Variants in NUDCD3 observed in about 807,000 individuals in gnomAD.
The protein encoded by NUDCD3 is nudC domain-containing protein 3.
Under a neutral mutation model 39.7 loss-of-function variants are expected in NUDCD3, and 13 were observed. That is an observed-to-expected ratio of 0.33 (90% CI 0.21 to 0.52). The LOEUF is 0.52. Ranked by LOEUF, NUDCD3 falls within the 20% of genes least tolerant of loss-of-function variation. The pLI, the probability that NUDCD3 is intolerant of heterozygous loss-of-function variation, is 0.96. For synonymous variants in NUDCD3, 175 were observed against 172.4 expected, an observed-to-expected ratio of 1.02 and a Z score of -0.12; for missense variants, 453 against 458.1, an observed-to-expected ratio of 0.99 and a Z score of 0.10.
chr7:44,412,951 A>AAAAAAAAAAG lies in NUDCD3; in HGVS notation c.643-8369_643-8368insCTTTTTTTTT, dbSNP rs1554489215. Among the ~76,000 whole-genome samples the AAAAAAAAAAG allele has an allele frequency of 2.6e-4, 38 of 144,378 alleles. 1 individual carries two copies. Among genetic ancestry groups the AAAAAAAAAAG allele is most frequent in the Non-Finnish European group, 3.8e-4 (25 of 65,360 alleles). 94.7% of individuals were successfully genotyped at this position (144,378 alleles called of 152,430 possible). A position where few individuals can be genotyped will look rare whatever the true frequency, so the allele number is the denominator to read the frequency against. On this transcript the variant is annotated intron_variant, in intron 3 of 5. Coordinates refer to ENST00000355451, the MANE Select transcript of NUDCD3 (RefSeq NM_015332.4). ...CAAAAAAAAAAAAAAAAGAAAAAAA[A>AAAAAAAAAAG]AAAGAAAGAAACCATTGACCATTGG...
At chr7:44,434,021 T>A (rs540587004) in intron 2 of NUDCD3, among the ~76,000 whole-genome samples, 9 of 152,174 alleles carry the variant, frequency 5.9e-5, no homozygotes, top group Non-Finnish European at 1.3e-4. Flanking sequence ...TTCTTCTGGG[T>A]TTCTTCATTT....
chr7:44,453,684 G>T (rs1799837371), intron 2 of NUDCD3, among the ~76,000 whole-genome samples: 1 of 152,136 alleles, frequency 6.6e-6, no homozygotes, highest in Non-Finnish European at 1.5e-5. Context: ...AGGAAAGGTA[G>T]GCACACAGGA....
intron 2 of NUDCD3, among the ~76,000 whole-genome samples, chr7:44,470,463 T>C (rs1372863631): frequency 6.6e-6 from 1 of 152,222 alleles, no homozygotes; most frequent in African/African-American, 2.4e-5. Context: ...AGGCTCGGTT[T>C]AAGGTCCCCC....
At chr7:44,484,370 C>G (rs187411926) in intron 2 of NUDCD3, 31 of 152,466 alleles carry the variant, frequency 2.0e-4, no homozygotes, top group African/African-American at 7.2e-4. Flanking sequence ...ATGTCATATT[C>G]AAGCTCTACT....
At chr7:44,408,831 T>C (rs1798874632) in intron 3 of NUDCD3, among the ~76,000 whole-genome samples, 1 of 152,148 alleles carries the variant, frequency 6.6e-6, no homozygotes, top group Admixed American at 6.5e-5. Flanking sequence ...GTAGCAGCCA[T>C]CGCTGGAGAA....
chr7:44,418,273 C>G (rs62459134), intron 3 of NUDCD3, among the ~76,000 whole-genome samples: 12,423 of 152,146 alleles, frequency 0.082, 696 homozygotes, highest in East Asian at 0.31. Context: ...AAGGTGCAAG[C>G]CAAGTTGCCC....
chr7:44,405,537 A>G (rs529198652), intron 3 of NUDCD3, among the ~76,000 whole-genome samples: 20 of 152,358 alleles, frequency 1.3e-4, no homozygotes, highest in Non-Finnish European at 2.6e-4. Context: ...AGACACTGGG[A>G]TCAAGTACTT....
intron 2 of NUDCD3, chr7:44,468,204 T>G: frequency 1.3e-6 from 2 of 1,599,726 alleles, no homozygotes; most frequent in African/African-American, 2.7e-5. Flanking sequence ...GCTCACAATG[T>G]TTCCTCCAAG....
chr7:44,390,803 T>C (rs1798499673), intron 5 of NUDCD3, among the ~76,000 whole-genome samples: 1 of 152,136 alleles, frequency 6.6e-6, no homozygotes, highest in African/African-American at 2.4e-5. Context: ...TTTCATCTAG[T>C]GGCCACAGGC....
intron 2 of NUDCD3, among the ~76,000 whole-genome samples, chr7:44,466,010 G>C (rs1426321138): frequency 2.0e-5 from 3 of 152,056 alleles, no homozygotes; most frequent in Admixed American, 6.5e-5. Context: ...GGAAAGAAAT[G>C]ACCAGTGAAC....
chr7:44,420,989 G>A (rs567978707), intron 3 of NUDCD3, among the ~76,000 whole-genome samples: 34 of 152,172 alleles, frequency 2.2e-4, no homozygotes, highest in South Asian at 4.2e-4. Context: ...AATCAAATTC[G>A]CACATAACAA....
intron 2 of NUDCD3, among the ~76,000 whole-genome samples, chr7:44,469,067 G>C (rs1800195407): frequency 1.2e-5 from 1 of 84,132 alleles, no homozygotes; most frequent in South Asian, 4.1e-4. Context: ...CCAGAATAGA[G>C]ACAATCAAAA....
chr7:44,407,480 G>A (rs1798848359), intron 3 of NUDCD3, among the ~76,000 whole-genome samples: 2 of 150,170 alleles, frequency 1.3e-5, no homozygotes, highest in East Asian at 2.0e-4. Flanking sequence ...CAGGAGAATC[G>A]CTTGAACCTG....
At chr7:44,475,141 T>G (rs1372202836) in intron 2 of NUDCD3, among the ~76,000 whole-genome samples, 4 of 150,290 alleles carry the variant, frequency 2.7e-5, no homozygotes, top group Admixed American at 6.6e-5. Flanking sequence ...AGACGAAGTC[T>G]CGCTCTGTCA....
chr7:44,484,358 T>G (rs531585315), intron 2 of NUDCD3: 1 of 152,404 alleles, frequency 6.6e-6, no homozygotes, highest in South Asian at 2.1e-4. Flanking sequence ...CAGGGAAACC[T>G]CATGTCATAT....
chr7:44,402,095 C>T (rs1798737970), intron 4 of NUDCD3, among the ~76,000 whole-genome samples: 1 of 152,230 alleles, frequency 6.6e-6, no homozygotes, highest in African/African-American at 2.4e-5. Context: ...CCAGAGACTC[C>T]CGTTTCTCAC....
intron 2 of NUDCD3, among the ~76,000 whole-genome samples, chr7:44,432,570 A>T (rs1799385589): frequency 6.6e-6 from 1 of 152,222 alleles, no homozygotes; most frequent in Non-Finnish European, 1.5e-5. Flanking sequence ...AGAAATGTCA[A>T]GCTTGCTGCT....
At chr7:44,487,721 G>A (rs1420760998) in intron 1 of NUDCD3, among the ~76,000 whole-genome samples, 1 of 152,036 alleles carries the variant, frequency 6.6e-6, no homozygotes, top group Non-Finnish European at 1.5e-5. Context: ...GGAGGCTGAG[G>A]CGGGTGATCA....
intron 3 of NUDCD3, 151 bp from the exon 4 acceptor site, chr7:44,404,734 C>G: frequency 1.4e-6 from 1 of 725,644 alleles, no homozygotes; most frequent in South Asian, 2.4e-5. Flanking sequence ...GAAAACCATA[C>G]CAGCCTAATT....
Sources: allele counts gnomAD v4.1 joint callset (sites outside exome capture counted in the v4.1 genomes callset), GRCh38; gene constraint gnomAD v4.1.1; transcripts MANE v1.5; gene names NCBI Gene and HGNC (gene_info 2026-07-23, HGNC 2026-07-21).